The following PTPRF variants were observed in gnomAD, a reference collection of about 807,000 sequenced individuals.
PTPRF encodes the protein receptor-type tyrosine-protein phosphatase F.
In PTPRF, 59 loss-of-function variants were observed where a neutral mutation model predicts 201.8. That is an observed-to-expected ratio of 0.29 (90% confidence interval 0.24 to 0.36). The LOEUF (loss-of-function observed/expected upper bound fraction) is 0.36, where lower values mean the gene tolerates loss of function less well. PTPRF is among the 10% of genes least tolerant of loss of function. PTPRF has a pLI of 1.00. For synonymous variants in PTPRF, 1,088 were observed against 1,089.7 expected, an observed-to-expected ratio of 1.00 and a Z score of 0.03; for missense variants, 2,132 against 2,690.5, an observed-to-expected ratio of 0.79 and a Z score of 4.59.
upstream of PTPRF, among the ~76,000 whole-genome samples, chr1:43,527,599 C>T (rs1451060864): frequency 6.6e-6 from 1 of 152,216 alleles, no homozygotes; most frequent in Admixed American, 6.5e-5. Flanking sequence ...CCCCTGTGTC[C>T]CTGTGGGGTT....
chr1:43,597,654 G>GCC (rs1258277814), intron 11 of PTPRF, 94 bp from the exon 12 acceptor site: 2 of 956,632 alleles, frequency 2.1e-6, no homozygotes, highest in Non-Finnish European at 3.2e-6. Flanking sequence ...GGGGTAGCCT[G>GCC]CCCGGGTGAG....
At chr1:43,530,264 G>C (rs1643324399), upstream of PTPRF, among the ~76,000 whole-genome samples, 1 of 151,978 alleles carries the variant, frequency 6.6e-6, no homozygotes, top group African/African-American at 2.4e-5. The surrounding 1 kb of genome is among the most constrained non-coding windows in gnomAD (Gnocchi z 4.1). Context: ...TTTATGTAAG[G>C]CTTGGGGTTC....
chr1:43,551,225 G>A lies in PTPRF; in HGVS notation c.92-2267G>A, dbSNP rs116346066. On this transcript the variant is annotated intron_variant, in intron 3 of 33. Coordinates refer to ENST00000359947, the MANE Select transcript of PTPRF (RefSeq NM_002840.5). ...ATCTGGACTAGGGTGTGGCAGCGCAGGTGGAGAACCCTGAGCTGCTTTGTG... is the reference window on the plus strand; with the variant it reads ...ATCTGGACTAGGGTGTGGCAGCGCAAGTGGAGAACCCTGAGCTGCTTTGTG... Among the ~76,000 whole-genome samples, 477 of 152,170 alleles carry A rather than the reference G, an allele frequency of 3.1e-3. 2 individuals are homozygous for A. Among genetic ancestry groups the A allele is most frequent in the African/African-American group, 0.011 (441 of 41,498 alleles).
upstream of PTPRF, among the ~76,000 whole-genome samples, chr1:43,526,308 A>C (rs1210510044): frequency 6.6e-6 from 1 of 152,188 alleles, no homozygotes; most frequent in Non-Finnish European, 1.5e-5. Flanking sequence ...GGCATTAGCC[A>C]GGGCCAGGCA....
At chr1:43,618,063 A>C in intron 25 of PTPRF, 152 bp downstream of exon 25, 1 of 804,330 alleles carries the variant, frequency 1.2e-6, no homozygotes, top group South Asian at 2.0e-5. Context: ...ATGCTCCCCA[A>C]ATACTGGGTG....
Position 43,621,107 on chromosome 1 carries a change from G to A in PTPRF, c.5530G>A (p.Gly1844Ser). The A allele has an allele frequency of 1.9e-6, 3 of 1,614,142 alleles. No individual in the cohort carries two copies. Among genetic ancestry groups the A allele is most frequent in the Non-Finnish European group, 2.5e-6 (3 of 1,180,000 alleles). Residue 1844 changes from glycine (G) to serine (S), a missense_variant, in exon 33 of 34, where the codon GGC (glycine) becomes AGC (serine). By Grantham distance (56) the Gly-to-Ser change is moderately conservative. Transcript: ENST00000359947. ...TGTGTTTCTGAGCAGTGCTGGCGTG[G>A]GCCGCACCGGGGTGTTCATCACTCT... is the stretch of plus-strand genomic sequence containing the variant. ...PITVHCSAGV[G>S]RTGVFITLSI...
intron 24 of PTPRF, 68 bp from the exon 25 acceptor site, chr1:43,617,668 A>G: frequency 6.3e-7 from 1 of 1,599,730 alleles, no homozygotes; most frequent in Middle Eastern, 1.7e-4. Flanking sequence ...TCAGGGGTGC[A>G]CTGAGGCATG....
rs765593450 is a variant in PTPRF, at chr1:43,617,854, G to A, written c.4314G>A (p.Val1438=). 1 of 1,613,930 alleles carries A rather than the reference G, an allele frequency of 6.2e-7. No homozygotes were observed. Among genetic ancestry groups the A allele is most frequent in the Non-Finnish European group, 8.5e-7 (1 of 1,179,918 alleles). ...CCATGGGTGATTTCTGGAGGATGGT[G>A]TGGGAACAGCGCACGGCCACTGTGG... The part of the protein sequence containing the change: ...PETMGDFWRM[V]WEQRTATVVM... Residue 1438 remains valine (V), a synonymous_variant, in exon 25 of 34, where the codon GTG becomes GTA. Transcript: ENST00000359947.
At chr1:43,558,804 A>T (rs536076925) in intron 5 of PTPRF, among the ~76,000 whole-genome samples, 16 of 152,106 alleles carry the variant, frequency 1.1e-4, no homozygotes, top group African/African-American at 3.9e-4. Context: ...CTTTCCCTCC[A>T]GGAGGTTGAG....
At chr1:43,575,427 C>A (rs958962453) in intron 6 of PTPRF, among the ~76,000 whole-genome samples, 4 of 152,140 alleles carry the variant, frequency 2.6e-5, no homozygotes, top group African/African-American at 9.7e-5. Context: ...GTGGGAGGCC[C>A]AGTGTGCTAG....
chr1:43,569,600 G>T lies in PTPRF; in HGVS notation c.390G>T (p.Leu130=). ...GCTGTTTGTCTGCAGAGGAACAGCT[G>T]CCCCCTGGGTTCCCTTCCATCGACA... ...AKLSVLEEEQ[L]PPGFPSIDMG... is the part of the protein sequence containing the mutation. Residue 130 remains leucine (L), a synonymous_variant, in exon 6 of 34, where the codon CTG becomes CTT. Transcript: ENST00000359947. 1 of 1,605,806 alleles carries T rather than the reference G, an allele frequency of 6.2e-7. No homozygotes were observed. Among genetic ancestry groups the T allele is most frequent in the Non-Finnish European group, 8.5e-7 (1 of 1,174,496 alleles).
rs1202842302 is a variant in PTPRF at position 43,598,827 on chromosome 1, G to C, written c.2227G>C (p.Gly743Arg). 1.2e-6 allele frequency: 2 copies of C among 1,614,036 alleles called. No homozygotes were observed. The highest frequency in any genetic ancestry group is 2.2e-5 in the East Asian group (1 of 44,894). ...CAGCAAGCAGCATGGCCAGATCCGC[G>C]GCTACCAGGTCACCTACGTGCGGCT... The part of the protein sequence containing the change: ...VPSKQHGQIR[G>R]YQVTYVRLEN... Residue 743 changes from glycine (G) to arginine (R), a missense_variant, in exon 13 of 34, where the codon GGC becomes CGC. Transcript: ENST00000359947.
chr1:43,608,216 G>A (rs1324776526), intron 21 of PTPRF, among the ~76,000 whole-genome samples: 2 of 152,200 alleles, frequency 1.3e-5, no homozygotes, highest in Admixed American at 6.5e-5. Context: ...TGTCATGTGG[G>A]TGCCATATAA....
chr1:43,533,998 C>T (rs893812920), intron 1 of PTPRF, among the ~76,000 whole-genome samples: 8 of 152,106 alleles, frequency 5.3e-5, no homozygotes, highest in Non-Finnish European at 1.2e-4. Context: ...TGGGTTAGAA[C>T]ATTGCAAGAG....
intron 22 of PTPRF, 104 bp downstream of exon 22, chr1:43,609,602 C>T (rs1424824924): frequency 1.3e-6 from 1 of 764,578 alleles, no homozygotes; most frequent in Non-Finnish European, 2.2e-6. Context: ...GGGCCGCATG[C>T]ACTTGTTCCT....
Position 43,605,005 on chromosome 1 carries a change from G to GT in PTPRF, c.3135+6dup, listed in dbSNP as rs34134892. On this transcript the variant is annotated splice_donor_region_variant and intron_variant, in intron 17 of 33. Transcript: ENST00000359947. The stretch of plus-strand genomic sequence containing the variant: ...AAGTCAGCTGTGCCCTTTAAGGTGA[G>GT]TAAGGGCCACGGCCAGCTGAGCCTG... The GT allele has an allele frequency of 2.8e-3, 4,505 of 1,613,358 alleles. 6 individuals are homozygous for GT. The highest frequency in any genetic ancestry group is 3.5e-3 in the Non-Finnish European group (4,122 of 1,179,468).
At chr1:43,599,485 G>A (rs1283126972) in intron 13 of PTPRF, among the ~76,000 whole-genome samples, 10 of 152,156 alleles carry the variant, frequency 6.6e-5, no homozygotes, top group Admixed American at 6.5e-4. Flanking sequence ...CCCCACTGGC[G>A]GCCATGGGTC....
rs1570905648 is a variant in PTPRF, at chr1:43,538,223, G to T, written c.-100G>T. 2.5e-6 allele frequency: 1 copy of T among 398,622 alleles called. No individual in the cohort carries two copies. The highest frequency in any genetic ancestry group is 1.3e-4 in the South Asian group (1 of 7,848). 24.7% of individuals were successfully genotyped at this position (398,622 alleles called of 1,614,324 possible). On this transcript the variant is annotated 5_prime_UTR_variant, in exon 2 of 34. Transcript: ENST00000359947. ...GAAGGAGTGGAGGCCCTGGTGCCCGGCCCTTGGTGCTGAGTATCCAGCAAG... is the reference window on the plus strand; with the variant it reads ...GAAGGAGTGGAGGCCCTGGTGCCCGTCCCTTGGTGCTGAGTATCCAGCAAG...
chr1:43,557,630 CAA>C (rs71036626), intron 5 of PTPRF, among the ~76,000 whole-genome samples: 99 of 100,994 alleles, frequency 9.8e-4, no homozygotes, highest in Middle Eastern at 6.3e-3. Context: ...GACTCCATCT[CAA>C]AAAAAAAAAA....
Sources: allele counts gnomAD v4.1 joint callset (sites outside exome capture counted in the v4.1 genomes callset), GRCh38; gene constraint gnomAD v4.1.1; non-coding constraint Gnocchi (gnomAD v3.1); transcripts MANE v1.5; gene names NCBI Gene and HGNC (gene_info 2026-07-23, HGNC 2026-07-21).